Variants in PPM1L observed in about 807,000 individuals in gnomAD.
The protein encoded by PPM1L is protein phosphatase, Mg2+/Mn2+ dependent 1L.
In PPM1L, 13 loss-of-function variants were observed where a neutral mutation model predicts 31.4. That is an observed-to-expected ratio of 0.41 (90% CI 0.27 to 0.66). The LOEUF (loss-of-function observed/expected upper bound fraction) is 0.66. Ranked by LOEUF, PPM1L falls within the 30% of genes least tolerant of loss-of-function variation. The pLI is 0.29. For synonymous variants in PPM1L, 184 were observed against 175.4 expected, an observed-to-expected ratio of 1.05 and a Z score of -0.39; for missense variants, 326 against 453.7, an observed-to-expected ratio of 0.72 and a Z score of 2.56.
chr3:160,961,866 A>G lies in PPM1L; in HGVS notation c.530A>G (p.Asp177Gly). Residue 177 changes from aspartate to glycine, a missense_variant, in exon 2 of 4, where the codon GAC becomes GGC. Around this residue, in one of 3 missense-constraint regions of PPM1L, gnomAD observed 201 missense variants for 298.2 expected, o/e 0.67. Transcript: ENST00000498165. The part of the protein sequence containing the change: ...TILEQQILSI[D>G]REMLEKLTVS... ...CTTGAACAGCAGATTTTGTCAATTG[A>G]CCGAGAAATGCTAGAAAAATTGACT... 1 of 1,594,270 alleles carries G rather than the reference A, an allele frequency of 6.3e-7. No individual in the cohort carries two copies. The highest frequency in any genetic ancestry group is 2.3e-5 in the East Asian group (1 of 43,764).
intron 2 of PPM1L, among the ~76,000 whole-genome samples, chr3:161,018,155 T>C (rs1411469113): frequency 6.6e-6 from 1 of 152,182 alleles, no homozygotes; most frequent in African/African-American, 2.4e-5. Context: ...CCTCACAGAT[T>C]ACGTGCTGGC....
chr3:160,788,031 T>G (rs1384391227), intron 1 of PPM1L, among the ~76,000 whole-genome samples: 1 of 152,210 alleles, frequency 6.6e-6, no homozygotes, highest in Non-Finnish European at 1.5e-5. Context: ...GTAATATAGT[T>G]TGAAGTCCAG....
At chr3:160,980,426 C>T (rs1013305991) in intron 2 of PPM1L, among the ~76,000 whole-genome samples, 1 of 151,898 alleles carries the variant, frequency 6.6e-6, no homozygotes, top group Admixed American at 6.6e-5. Context: ...CCTGTAATCC[C>T]AGCACTTTGG....
At chr3:160,945,137 C>CATATATGT (rs1715366034) in intron 1 of PPM1L, among the ~76,000 whole-genome samples, 1 of 119,632 alleles carries the variant, frequency 8.4e-6, no homozygotes, top group Non-Finnish European at 1.7e-5. Context: ...ATCTATCTAT[C>CATATATGT]TATCTATCTA....
At chr3:161,066,567 A>C (rs1449306952) in intron 3 of PPM1L, among the ~76,000 whole-genome samples, 1 of 152,168 alleles carries the variant, frequency 6.6e-6, no homozygotes, top group Non-Finnish European at 1.5e-5. Flanking sequence ...TGATTATTAC[A>C]TTTTCATAAT....
At chr3:161,035,314 A>C (rs190958577) in intron 2 of PPM1L, among the ~76,000 whole-genome samples, 1 of 152,290 alleles carries the variant, frequency 6.6e-6, no homozygotes, top group East Asian at 1.9e-4. Flanking sequence ...TGAGCAATGC[A>C]GGAAGTGCTC....
intron 1 of PPM1L, among the ~76,000 whole-genome samples, chr3:160,793,626 A>T (rs1712162958): frequency 6.6e-6 from 1 of 152,204 alleles, no homozygotes; most frequent in Non-Finnish European, 1.5e-5. Flanking sequence ...ATGAAATATA[A>T]TTCTTCCATG....
chr3:160,844,350 G>A (rs1228519775), intron 1 of PPM1L, among the ~76,000 whole-genome samples: 1 of 152,102 alleles, frequency 6.6e-6, no homozygotes, highest in African/African-American at 2.4e-5. Flanking sequence ...GATTCCATGG[G>A]CAAAAAGGGA....
At chr3:160,964,045 ATAT>A (rs1323607224) in intron 2 of PPM1L, among the ~76,000 whole-genome samples, 1 of 152,028 alleles carries the variant, frequency 6.6e-6, no homozygotes, top group Non-Finnish European at 1.5e-5. Context: ...TAATAATAAA[ATAT>A]TATCATGTTT....
chr3:160,806,043 T>A (rs142904360), intron 1 of PPM1L, among the ~76,000 whole-genome samples: 1 of 152,160 alleles, frequency 6.6e-6, no homozygotes, highest in Non-Finnish European at 1.5e-5. Flanking sequence ...CCAACTGATG[T>A]CTCACACTCA....
At chr3:160,995,441 C>G (rs1157410502) in intron 2 of PPM1L, among the ~76,000 whole-genome samples, 3 of 152,066 alleles carry the variant, frequency 2.0e-5, no homozygotes, top group East Asian at 3.9e-4. Flanking sequence ...CTGCCTCAGC[C>G]TCCTGAGTAG....
rs1029781309 is a variant in PPM1L at position 160,820,188 on chromosome 3, G to A, written c.399+63481G>A. ...GCTGGATGAGATTGGCTTTATGAGA[G>A]AATGCAGTATTGCATTGTCATCATG... On this transcript the variant is annotated intron_variant, in intron 1 of 3. Transcript: ENST00000498165. Among the ~76,000 whole-genome samples the A allele has an allele frequency of 2.0e-5, 3 of 152,004 alleles. No individual in the cohort carries two copies. The South Asian group carries it at 6.2e-4, about 31-fold the overall frequency.
At chr3:160,839,995 C>G (rs758266265) in intron 1 of PPM1L, among the ~76,000 whole-genome samples, 3 of 152,092 alleles carry the variant, frequency 2.0e-5, no homozygotes, top group Non-Finnish European at 4.4e-5. Flanking sequence ...GGAGGGATAG[C>G]CCCATGGAAG....
chr3:161,048,767 C>A (rs1190688236), intron 2 of PPM1L, among the ~76,000 whole-genome samples: 1 of 151,926 alleles, frequency 6.6e-6, no homozygotes, highest in Non-Finnish European at 1.5e-5. Flanking sequence ...AGGATGAGTT[C>A]ATGTCCTTTG....
chr3:160,824,332 A>C (rs1386563293), intron 1 of PPM1L, among the ~76,000 whole-genome samples: 1 of 152,146 alleles, frequency 6.6e-6, no homozygotes, highest in Non-Finnish European at 1.5e-5. Flanking sequence ...GAACTATGAG[A>C]AATCAATTTC....
chr3:160,800,272 G>T (rs1227302623), intron 1 of PPM1L, among the ~76,000 whole-genome samples: 1 of 152,010 alleles, frequency 6.6e-6, no homozygotes, highest in Admixed American at 6.6e-5. Context: ...ACTTTTAATT[G>T]TATCATTAAC....
At chr3:160,806,731 C>A (rs1173948687) in intron 1 of PPM1L, among the ~76,000 whole-genome samples, 1 of 150,708 alleles carries the variant, frequency 6.6e-6, no homozygotes, top group East Asian at 2.0e-4. Context: ...ATAGTAAGAC[C>A]TCTTGGTCTC....
At chr3:160,949,322 C>T (rs927277501) in intron 1 of PPM1L, among the ~76,000 whole-genome samples, 3 of 152,166 alleles carry the variant, frequency 2.0e-5, no homozygotes, top group African/African-American at 7.2e-5. Context: ...TTGTTGCTCT[C>T]AGAGATTTTT....
At chr3:160,852,919 A>G (rs569900394) in intron 1 of PPM1L, among the ~76,000 whole-genome samples, 1 of 152,326 alleles carries the variant, frequency 6.6e-6, no homozygotes, top group Non-Finnish European at 1.5e-5. Context: ...ATTATCGTAA[A>G]CTTGGTGGCT....
Sources: gnomAD v4.1 joint callset for allele counts (sites outside exome capture counted in the v4.1 genomes callset) on GRCh38, gnomAD v4.1.1 for gene constraint, gnomAD v4.1.1 regional missense constraint, MANE v1.5 for transcripts, NCBI Gene and HGNC (gene_info 2026-07-23, HGNC 2026-07-21) for gene names.